RALY: variants seen among roughly 807,000 people sequenced by gnomAD.
RALY encodes the protein RALY heterogeneous nuclear ribonucleoprotein.
RALY carries 15 observed loss-of-function variants against 30.7 expected under a neutral mutation model. That is an observed-to-expected ratio of 0.49 (90% CI 0.33 to 0.75). The LOEUF is 0.75. Among genes scored for constraint, RALY ranks in the 30% least tolerant of loss-of-function variants. RALY has a pLI of 0.02. For synonymous variants in RALY, 177 were observed against 170.8 expected (o/e 1.04, Z -0.28); for missense variants, 339 against 414.3 (o/e 0.82, Z 1.58).
At chr20:34,020,959 TTTAA>T (rs942216088) in intron 1 of RALY, among the ~76,000 whole-genome samples, 2 of 152,032 alleles carry the variant, frequency 1.3e-5, no homozygotes, top group African/African-American at 4.8e-5. Flanking sequence ...CTTTTTTTTT[TTTAA>T]TTAGTTTATT....
chr20:34,027,267 G>A (rs2032079298), intron 1 of RALY, among the ~76,000 whole-genome samples: 1 of 152,204 alleles, frequency 6.6e-6, no homozygotes, highest in Non-Finnish European at 1.5e-5. Flanking sequence ...TCAAATGCTA[G>A]CTTTGTTGCT....
intron 2 of RALY, among the ~76,000 whole-genome samples, chr20:34,035,664 TATTC>T (rs1456336318): frequency 6.6e-6 from 1 of 152,252 alleles, no homozygotes; most frequent in Non-Finnish European, 1.5e-5. Context: ...GATACACATT[TATTC>T]ATTCATTCAG....
In RALY at chr20:34,028,104, G is replaced by A. The variant is rs566718956; in HGVS notation, c.-92-3418G>A. 2.0e-5 allele frequency among the ~76,000 whole-genome samples: 3 copies of A among 152,206 alleles called. No homozygotes were observed. The South Asian group carries it at 6.2e-4, about 32-fold the overall frequency. Reference sequence around the variant, plus strand: ...GTCAGGAGACTAGCCTGGCCAACATGGTGAAACTCCGTCTCCACTAAAAAC... The same window carrying A: ...GTCAGGAGACTAGCCTGGCCAACATAGTGAAACTCCGTCTCCACTAAAAAC... On this transcript the variant is annotated intron_variant, in intron 1 of 9. Coordinates refer to ENST00000246194, the MANE Select transcript of RALY (RefSeq NM_016732.3).
At chr20:34,022,054 AGCCTTCTCTTTCTTTCC>A (rs1568660150) in intron 1 of RALY, among the ~76,000 whole-genome samples, 1 of 149,552 alleles carries the variant, frequency 6.7e-6, no homozygotes, top group Non-Finnish European at 1.5e-5. Context: ...CACCACACTC[AGCCTTCTCTTTCTTTCC>A]TTTTTTCTTT....
intron 2 of RALY, among the ~76,000 whole-genome samples, chr20:34,047,315 A>G (rs1010181565): frequency 6.6e-6 from 1 of 152,224 alleles, no homozygotes; most frequent in African/African-American, 2.4e-5. Flanking sequence ...CATGGGAGCC[A>G]TTAGATCAAG....
chr20:34,071,475 C>T (rs956141812), intron 2 of RALY, among the ~76,000 whole-genome samples: 3 of 151,934 alleles, frequency 2.0e-5, no homozygotes, highest in Admixed American at 1.3e-4. Flanking sequence ...GACGGGGTTT[C>T]GCCATGTTGG....
Position 34,077,046 on chromosome 20 carries a change from AT to A in RALY, c.678del (p.Asp226GlufsTer60). On this transcript the variant is annotated frameshift_variant, in exon 8 of 10. Coordinates refer to ENST00000246194, the MANE Select transcript of RALY (RefSeq NM_016732.3). LOFTEE classifies it high-confidence loss of function. ...KANPDGKKKG[D>X]GGGAGGGGGG... is the part of the protein sequence containing the mutation. ...CCTCAAGATGGCAAGAAGAAGGGTGATGGAGGTGGCGCCGGCGGCGGCGGCG... is the reference window on the plus strand; with the variant it reads ...CCTCAAGATGGCAAGAAGAAGGGTGAGGAGGTGGCGCCGGCGGCGGCGGCG... 1 of 1,589,550 alleles carries A rather than the reference AT, an allele frequency of 6.3e-7. No individual in the cohort carries two copies. Among genetic ancestry groups the A allele is most frequent in the Non-Finnish European group, 8.5e-7 (1 of 1,173,540 alleles).
chr20:34,065,340 G>T (rs766415366), intron 2 of RALY, among the ~76,000 whole-genome samples: 5 of 152,222 alleles, frequency 3.3e-5, no homozygotes, highest in Admixed American at 1.3e-4. Context: ...AGACAAGAAG[G>T]CCTAGGGAAG....
chr20:34,068,947 G>A lies in RALY; in HGVS notation c.-9-3119G>A, dbSNP rs1279391079. Among the ~76,000 whole-genome samples the A allele has an allele frequency of 2.0e-5, 3 of 152,308 alleles. No homozygotes were observed. The East Asian group carries it at 5.8e-4, about 29-fold the overall frequency. ...AGTGTACAGGGCATGAAAGTGGATA[G>A]GGGGCTGTTTAGACGAGGAGCTCAA... On this transcript the variant is annotated intron_variant, in intron 2 of 9. Transcript: ENST00000246194.
At chr20:34,013,747 T>C (rs2031500956) in intron 1 of RALY, among the ~76,000 whole-genome samples, 1 of 152,218 alleles carries the variant, frequency 6.6e-6, no homozygotes, top group Admixed American at 6.5e-5. Context: ...CCTCTCTCAT[T>C]CATTGGATCG....
intron 1 of RALY, among the ~76,000 whole-genome samples, chr20:34,005,174 T>A (rs1025239631): frequency 2.6e-5 from 4 of 152,090 alleles, no homozygotes; most frequent in Non-Finnish European, 4.4e-5. Context: ...CACTAGAGAA[T>A]TTCTAGGCCC....
At chr20:34,051,768 T>TG (rs992539290) in intron 2 of RALY, among the ~76,000 whole-genome samples, 2 of 152,094 alleles carry the variant, frequency 1.3e-5, no homozygotes, top group African/African-American at 4.8e-5. Flanking sequence ...GCTAATTTTT[T>TG]TTGTTGTTGT....
chr20:34,068,188 G>A (rs1237212399), intron 2 of RALY, among the ~76,000 whole-genome samples: 8 of 151,984 alleles, frequency 5.3e-5, no homozygotes, highest in Non-Finnish European at 2.9e-5. Flanking sequence ...GGACCCCTGG[G>A]GGCTGCAGAC....
chr20:34,059,769 C>G (rs1286837041), intron 2 of RALY, among the ~76,000 whole-genome samples: 1 of 152,176 alleles, frequency 6.6e-6, no homozygotes, highest in African/African-American at 2.4e-5. Context: ...CCTTCTGCAC[C>G]CTTACTCAGC....
intron 1 of RALY, among the ~76,000 whole-genome samples, chr20:34,012,492 G>A (rs2031445067): frequency 6.6e-6 from 1 of 151,444 alleles, no homozygotes; most frequent in African/African-American, 2.4e-5. Context: ...TTCTTTTTGA[G>A]CCCTACTTAC....
intron 8 of RALY, 131 bp from the exon 9 acceptor site, chr20:34,078,374 G>C (rs1219419311): frequency 1.4e-6 from 1 of 739,206 alleles, no homozygotes; most frequent in African/African-American, 1.8e-5. Context: ...CCCCTTGGCT[G>C]TTCCTGCGTC....
chr20:34,063,974 G>T (rs979188090), intron 2 of RALY, among the ~76,000 whole-genome samples: 1 of 151,952 alleles, frequency 6.6e-6, no homozygotes, highest in African/African-American at 2.4e-5. Flanking sequence ...ATTTGCTTGA[G>T]GTCCCAGACC....
chr20:34,065,401 A>G (rs2123230245), intron 2 of RALY, among the ~76,000 whole-genome samples: 1 of 151,990 alleles, frequency 6.6e-6, no homozygotes, highest in South Asian at 2.1e-4. Flanking sequence ...AGCCAAGGCC[A>G]AGCCTTCTGG....
In RALY at chr20:34,044,621, C is replaced by T. The variant is rs139744463; in HGVS notation, c.-10+13017C>T. ...CCGAAGCTGGGATTACAGGCGTGAGCCACCACACCTGACGTGTGTTAACAT... is the reference window on the plus strand; with the variant it reads ...CCGAAGCTGGGATTACAGGCGTGAGTCACCACACCTGACGTGTGTTAACAT... On this transcript the variant is annotated intron_variant, in intron 2 of 9. Transcript: ENST00000246194. 7.0e-3 allele frequency among the ~76,000 whole-genome samples: 1,062 copies of T among 152,276 alleles called. 18 individuals are homozygous for T. Among genetic ancestry groups the T allele is most frequent in the African/African-American group, 0.024 (1,008 of 41,544 alleles).
Sources: gnomAD v4.1 joint callset for allele counts (sites outside exome capture counted in the v4.1 genomes callset) on GRCh38, gnomAD v4.1.1 for gene constraint, MANE v1.5 for transcripts, NCBI Gene and HGNC (gene_info 2026-07-23, HGNC 2026-07-21) for gene names.